The following HUNK variants were observed in gnomAD, a reference collection of about 807,000 sequenced individuals.
The protein encoded by HUNK is hormonally up-regulated neu tumor-associated kinase.
In HUNK, 21 loss-of-function variants were observed where a neutral mutation model predicts 61.0. That is an observed-to-expected ratio of 0.34 (90% confidence interval 0.24 to 0.50). The LOEUF is 0.50. HUNK is among the 20% of genes least tolerant of loss of function. The pLI is 0.98. For synonymous variants in HUNK, 371 were observed against 386.1 expected, an observed-to-expected ratio of 0.96 and a Z score of 0.46; for missense variants, 772 against 945.7, an observed-to-expected ratio of 0.82 and a Z score of 2.41.
intron 6 of HUNK, among the ~76,000 whole-genome samples, chr21:31,972,381 G>GCCAT (rs2053017841): frequency 1.3e-5 from 2 of 152,160 alleles, no homozygotes; most frequent in African/African-American, 4.8e-5. Context: ...AGTGATACTT[G>GCCAT]AAAGCATCAG....
At chr21:31,903,414 T>G (rs2052482527) in intron 1 of HUNK, among the ~76,000 whole-genome samples, 1 of 152,212 alleles carries the variant, frequency 6.6e-6, no homozygotes, top group African/African-American at 2.4e-5. Flanking sequence ...CATTAGTTAC[T>G]TTTTAGTCAT....
rs2052649556 is a variant in HUNK at position 31,924,862 on chromosome 21, C to T, written c.554+102C>T. On this transcript the variant is annotated intron_variant, in intron 2 of 10. Coordinates refer to ENST00000270112, the MANE Select transcript of HUNK (RefSeq NM_014586.2). This position sits in a 1 kb window ranked among gnomAD's most constrained non-coding sequence, Gnocchi z 5.1. Reference sequence around the variant, plus strand: ...TCTGAGAAAGGCTGAGCAATTGCAGCCTGTTTTACAATTTGTCTATATTTT... The same window carrying T: ...TCTGAGAAAGGCTGAGCAATTGCAGTCTGTTTTACAATTTGTCTATATTTT... 1 of 881,152 alleles carries T rather than the reference C, an allele frequency of 1.1e-6. No homozygotes were observed. The allele number at this position is 881,152 out of a possible 1,614,324, so 54.6% of individuals were successfully genotyped here.
At chr21:31,915,727 T>C (rs1437903407) in intron 1 of HUNK, among the ~76,000 whole-genome samples, 1 of 152,158 alleles carries the variant, frequency 6.6e-6, no homozygotes, top group Non-Finnish European at 1.5e-5. Context: ...TTAACTCTGA[T>C]CCTATGTAGA....
At position 32,000,001 on chromosome 21, in the gene HUNK, A is replaced by T. The variant is rs927428290; in HGVS notation, c.*817A>T. On this transcript the variant is annotated 3_prime_UTR_variant, in exon 11 of 11. Coordinates refer to ENST00000270112, the MANE Select transcript of HUNK (RefSeq NM_014586.2). The stretch of plus-strand genomic sequence containing the variant: ...GAGGGTTCAGTGTGGAGAGCAAAAA[A>T]GCTGACTGTGGTGATTTGCTGAGTG... The T allele has an allele frequency of 1.0e-4, 40 of 397,104 alleles. No homozygotes were observed. The highest frequency in any genetic ancestry group is 7.8e-4 in the African/African-American group (38 of 48,460). The allele number at this position is 397,104 out of a possible 1,614,324, so 24.6% of individuals were successfully genotyped here. A position where few individuals can be genotyped will look rare whatever the true frequency, so the allele number is the denominator to read the frequency against.
At chr21:31,942,670 TCTG>T (rs1036689008) in intron 3 of HUNK, among the ~76,000 whole-genome samples, 2 of 152,164 alleles carry the variant, frequency 1.3e-5, no homozygotes, top group African/African-American at 4.8e-5. Context: ...TCATCACCTC[TCTG>T]CTGGCAATGG....
intron 5 of HUNK, among the ~76,000 whole-genome samples, chr21:31,963,685 T>G (rs2052944057): frequency 6.6e-6 from 1 of 152,020 alleles, no homozygotes; most frequent in Non-Finnish European, 1.5e-5. Flanking sequence ...GGGGGGTATA[T>G]TTTTTATAGA....
chr21:31,931,277 T>G (rs1368003829), intron 2 of HUNK, among the ~76,000 whole-genome samples: 1 of 151,960 alleles, frequency 6.6e-6, no homozygotes, highest in Admixed American at 6.5e-5. Flanking sequence ...CTCTTACCTT[T>G]CATTGGGCTG....
chr21:31,955,951 T>G (rs1404302455), intron 4 of HUNK, among the ~76,000 whole-genome samples: 1 of 152,222 alleles, frequency 6.6e-6, no homozygotes, highest in Non-Finnish European at 1.5e-5. Flanking sequence ...CTTAACTCAA[T>G]TCACTCCAAC....
chr21:31,945,904 G>T, intron 3 of HUNK, 132 bp from the exon 4 acceptor site: 1 of 867,648 alleles, frequency 1.2e-6, no homozygotes, highest in Admixed American at 2.5e-5. Context: ...TTTTCTTTAG[G>T]ATGCTAAATG....
At chr21:31,882,768 A>G (rs1474684673) in intron 1 of HUNK, among the ~76,000 whole-genome samples, 1 of 152,154 alleles carries the variant, frequency 6.6e-6, no homozygotes, top group African/African-American at 2.4e-5. Flanking sequence ...CTATCTATGT[A>G]TGTTTGTACC....
At chr21:31,897,784 A>G (rs942831237) in intron 1 of HUNK, among the ~76,000 whole-genome samples, 6 of 152,222 alleles carry the variant, frequency 3.9e-5, no homozygotes, top group African/African-American at 1.4e-4. Context: ...TGGGGTGGTC[A>G]GGGCTAAAAG....
intron 5 of HUNK, among the ~76,000 whole-genome samples, chr21:31,962,562 A>G (rs2052936168): frequency 1.3e-5 from 2 of 152,242 alleles, no homozygotes. Flanking sequence ...CCAACCTCGC[A>G]TAGCTCCTGC....
At chr21:31,979,990 A>C (rs745900271) in intron 7 of HUNK, among the ~76,000 whole-genome samples, 41 of 152,228 alleles carry the variant, frequency 2.7e-4, no homozygotes, top group Non-Finnish European at 4.1e-4. Flanking sequence ...TGTCCAAAAA[A>C]TCATTGTCCA....
chr21:31,896,410 T>C (rs2052425318), intron 1 of HUNK, among the ~76,000 whole-genome samples: 1 of 152,210 alleles, frequency 6.6e-6, no homozygotes. Flanking sequence ...CTCTCTTACT[T>C]CTTGCCTCAC....
intron 6 of HUNK, among the ~76,000 whole-genome samples, chr21:31,971,122 A>G (rs1423105092): frequency 2.6e-5 from 4 of 152,084 alleles, no homozygotes; most frequent in African/African-American, 4.8e-5. Flanking sequence ...TCTGTCGCCC[A>G]GGCTGGAGTG....
At chr21:31,918,673 T>G (rs2052601744) in intron 1 of HUNK, among the ~76,000 whole-genome samples, 1 of 152,236 alleles carries the variant, frequency 6.6e-6, no homozygotes, top group Non-Finnish European at 1.5e-5. Context: ...CACTTTGCTT[T>G]CTTCTCTGCT....
chr21:31,899,402 GTC>G (rs1039665160), intron 1 of HUNK, among the ~76,000 whole-genome samples: 8 of 152,090 alleles, frequency 5.3e-5, no homozygotes, highest in African/African-American at 1.9e-4. Context: ...CCTCACTCCA[GTC>G]TCTGCCTGCA....
chr21:31,951,534 TG>T (rs2052850137), intron 4 of HUNK, among the ~76,000 whole-genome samples: 1 of 152,116 alleles, frequency 6.6e-6, no homozygotes, highest in Non-Finnish European at 1.5e-5. Flanking sequence ...TTTGCTCTCA[TG>T]GGGGTCCCTG....
intron 9 of HUNK, among the ~76,000 whole-genome samples, chr21:31,994,158 T>C (rs1236834060): frequency 6.6e-6 from 1 of 152,232 alleles, no homozygotes; most frequent in Non-Finnish European, 1.5e-5. Flanking sequence ...AAAAGGCTGG[T>C]GGCAGCTGTG....
Sources: gnomAD v4.1 joint callset for allele counts (sites outside exome capture counted in the v4.1 genomes callset) on GRCh38, gnomAD v4.1.1 for gene constraint, Gnocchi (gnomAD v3.1) non-coding constraint, MANE v1.5 for transcripts, NCBI Gene and HGNC (gene_info 2026-07-23, HGNC 2026-07-21) for gene names.